Variants in TCF4 observed in about 807,000 individuals in gnomAD.
TCF4 encodes the protein transcription factor 4.
In TCF4, 3 loss-of-function variants were observed where a neutral mutation model predicts 82.1. The ratio of observed to expected loss-of-function variants is 0.04; its 90% confidence interval spans 0.02 to 0.09. The LOEUF is 0.09. Ranked by LOEUF, TCF4 falls within the 10% of genes least tolerant of loss-of-function variation. The probability of loss-of-function intolerance (pLI) is 1.00; values close to 1 mark genes in which losing one functional copy is unlikely to be tolerated. For missense variants in TCF4, 518 were observed against 852.7 expected (o/e 0.61, Z 4.89); for synonymous variants, 276 against 309.6 (o/e 0.89, Z 1.14).
chr18:55,265,509 TGGA>T (rs1233775444), intron 11 of TCF4: 1 of 152,094 alleles, frequency 6.6e-6, no homozygotes, highest in Non-Finnish European at 1.5e-5. Context: ...GCACAGGAAA[TGGA>T]GGAGATTTAA....
chr18:55,391,636 A>AAAAG (rs912199783), intron 6 of TCF4, among the ~76,000 whole-genome samples: 15 of 151,992 alleles, frequency 9.9e-5, no homozygotes, highest in African/African-American at 3.6e-4. Flanking sequence ...TTCCTATCAA[A>AAAAG]AAAGAAGAAC....
chr18:55,542,019 G>C (rs1199313638), intron 3 of TCF4, among the ~76,000 whole-genome samples: 1 of 151,926 alleles, frequency 6.6e-6, no homozygotes. Context: ...GCTGGTACAA[G>C]ATTCTATAAG....
intron 3 of TCF4, among the ~76,000 whole-genome samples, chr18:55,540,099 G>T (rs2097152886): frequency 1.3e-5 from 2 of 151,752 alleles, no homozygotes; most frequent in African/African-American, 4.8e-5. Flanking sequence ...AATATAGAAT[G>T]AGAATTGTCC....
intron 3 of TCF4, among the ~76,000 whole-genome samples, chr18:55,474,478 T>G (rs1322457633): frequency 6.6e-6 from 1 of 152,218 alleles, no homozygotes; most frequent in African/African-American, 2.4e-5. Context: ...ACTCTTTCAA[T>G]TCCAATTTTG....
At chr18:55,584,191 T>G (rs1603624603) in intron 3 of TCF4, among the ~76,000 whole-genome samples, 1 of 152,142 alleles carries the variant, frequency 6.6e-6, no homozygotes, top group African/African-American at 2.4e-5. Context: ...ATCACATAAG[T>G]GAACAAACTT....
intron 8 of TCF4, among the ~76,000 whole-genome samples, chr18:55,344,967 C>T (rs2080849470): frequency 6.6e-6 from 1 of 152,056 alleles, no homozygotes; most frequent in Admixed American, 6.6e-5. Context: ...ATATGCACAC[C>T]AGAAGCCTTC....
At chr18:55,609,764 C>T (rs1465459711) in intron 2 of TCF4, among the ~76,000 whole-genome samples, 1 of 152,128 alleles carries the variant, frequency 6.6e-6, no homozygotes, top group Non-Finnish European at 1.5e-5. Flanking sequence ...GGCCTTTGCA[C>T]TTGCTGTTCG....
chr18:55,601,008 T>C (rs1487707642), intron 2 of TCF4, among the ~76,000 whole-genome samples: 3 of 152,110 alleles, frequency 2.0e-5, no homozygotes, highest in African/African-American at 7.2e-5. Context: ...GAGTCTGATA[T>C]CCGCAGGAAG....
At chr18:55,539,622 C>A (rs1304461031) in intron 3 of TCF4, among the ~76,000 whole-genome samples, 2 of 152,068 alleles carry the variant, frequency 1.3e-5, no homozygotes, top group Non-Finnish European at 1.5e-5. Flanking sequence ...CAAACTTATC[C>A]ACTGTGGACA....
chr18:55,512,465 T>C (rs2146313801), intron 3 of TCF4, among the ~76,000 whole-genome samples: 1 of 152,256 alleles, frequency 6.6e-6, no homozygotes, highest in Non-Finnish European at 1.5e-5. Flanking sequence ...TAACATTGGC[T>C]ATCTCCACAA....
intron 3 of TCF4, among the ~76,000 whole-genome samples, chr18:55,503,970 A>G (rs977632253): frequency 2.0e-4 from 31 of 152,176 alleles, no homozygotes; most frequent in African/African-American, 7.5e-4. Flanking sequence ...GCTACTGAGG[A>G]GGCTGAGGCA....
At chr18:55,252,928 A>G (rs2055686505) in intron 15 of TCF4, among the ~76,000 whole-genome samples, 1 of 152,220 alleles carries the variant, frequency 6.6e-6, no homozygotes, top group Non-Finnish European at 1.5e-5. Flanking sequence ...TATTTAACAC[A>G]TTACCTGAGG....
Position 55,403,465 on chromosome 18 carries a change from C to A in TCF4, c.358G>T (p.Gly120Cys), listed in dbSNP as rs1603448353. The change falls in exon 6 of 20, where the codon GGT becomes TGT. Residue 120 changes from glycine to cysteine, a missense_variant. This residue lies in a region of TCF4 where 80 missense variants were observed against 93.8 expected (regional missense o/e 0.85). Coordinates refer to ENST00000354452, the MANE Select transcript of TCF4 (RefSeq NM_001083962.2). ...AGATTCTCACTTACCTGGTGGCAAC[C>A]CTGTAAGTTTGATTCTCTCCCATAA... ...SSYGRESNLQ[G>C]CHQQSLLGGD... 1 of 1,613,774 alleles carries A rather than the reference C, an allele frequency of 6.2e-7. No homozygotes were observed. The highest frequency in any genetic ancestry group is 8.5e-7 in the Non-Finnish European group (1 of 1,179,792).
chr18:55,265,787 T>G (rs1394563899), intron 11 of TCF4: 1 of 152,176 alleles, frequency 6.6e-6, no homozygotes, highest in Non-Finnish European at 1.5e-5. Flanking sequence ...AAGTTAAAGT[T>G]CTAAGCCAGA....
At chr18:55,500,772 G>C (rs905286954) in intron 3 of TCF4, among the ~76,000 whole-genome samples, 1 of 152,200 alleles carries the variant, frequency 6.6e-6, no homozygotes, top group Non-Finnish European at 1.5e-5. Context: ...GCATATGTTA[G>C]AGTTAGCATT....
intron 8 of TCF4, among the ~76,000 whole-genome samples, chr18:55,323,686 C>G (rs142353974): frequency 5.8e-4 from 89 of 152,344 alleles, no homozygotes; most frequent in African/African-American, 2.0e-3. Context: ...ACCACCCTCA[C>G]TGCTTAATAC....
chr18:55,232,172 A>G (rs929347848), intron 17 of TCF4: 12 of 247,530 alleles, frequency 4.8e-5, no homozygotes, highest in African/African-American at 2.5e-4. Context: ...CATGGCTACA[A>G]TCTCTTTTTA....
intron 3 of TCF4, among the ~76,000 whole-genome samples, chr18:55,579,072 C>T (rs2097553111): frequency 6.6e-6 from 1 of 150,378 alleles, no homozygotes; most frequent in African/African-American, 2.4e-5. Context: ...TCCTGCAAGT[C>T]TAATATAAAT....
intron 8 of TCF4, among the ~76,000 whole-genome samples, chr18:55,307,700 C>G (rs969329824): frequency 7.2e-5 from 11 of 152,278 alleles, no homozygotes; most frequent in African/African-American, 2.6e-4. Context: ...AAACGTGGCA[C>G]AAGCTGAAAG....
Sources: gnomAD v4.1 joint callset for allele counts (sites outside exome capture counted in the v4.1 genomes callset) on GRCh38, gnomAD v4.1.1 for gene constraint, gnomAD v4.1.1 regional missense constraint, MANE v1.5 for transcripts, NCBI Gene and HGNC (gene_info 2026-07-23, HGNC 2026-07-21) for gene names.